The following RPS6KL1 variants were observed in gnomAD, a reference collection of about 807,000 sequenced individuals.
RPS6KL1 encodes the protein ribosomal protein S6 kinase like 1, also known as ribosomal protein S6 kinase-like 1.
RPS6KL1 carries 41 observed loss-of-function variants against 57.0 expected under a neutral mutation model. That is an observed-to-expected ratio of 0.72 (90% CI 0.56 to 0.93). RPS6KL1 has a LOEUF of 0.93. Among genes scored for constraint, RPS6KL1 ranks in the 40% least tolerant of loss-of-function variants. RPS6KL1 has a pLI of 0.00. For missense variants in RPS6KL1, 697 were observed against 727.7 expected, an observed-to-expected ratio of 0.96 and a Z score of 0.49; for synonymous variants, 287 against 309.7, an observed-to-expected ratio of 0.93 and a Z score of 0.77.
chr14:74,913,872 A>C (rs1886427757), intron 5 of RPS6KL1, among the ~76,000 whole-genome samples: 1 of 152,240 alleles, frequency 6.6e-6, no homozygotes, highest in Admixed American at 6.5e-5. Flanking sequence ...TGTGCTAAGC[A>C]CTTTACATAG....
At position 74,906,792 on chromosome 14, in the gene RPS6KL1, G is replaced by C; in HGVS notation, c.*222C>G. On this transcript the variant is annotated 3_prime_UTR_variant, in exon 12 of 12. Coordinates refer to ENST00000557413, the MANE Select transcript of RPS6KL1 (RefSeq NM_031464.5). ...GTAGATGGTTCAAGCTGCTTAGCAG[G>C]GCAAGCCTTGACTGCCCCCACCTCC... 1.4e-6 allele frequency: 1 copy of C among 693,564 alleles called. No homozygotes were observed. The highest frequency in any genetic ancestry group is 2.8e-5 in the East Asian group (1 of 35,694). The allele number at this position is 693,564 out of a possible 1,614,324, so 43.0% of individuals were successfully genotyped here. A position where few individuals can be genotyped will look rare whatever the true frequency, so the allele number is the denominator to read the frequency against.
At chr14:74,919,048 GC>G (rs1286346714) in intron 4 of RPS6KL1, among the ~76,000 whole-genome samples, 5 of 152,236 alleles carry the variant, frequency 3.3e-5, no homozygotes, top group African/African-American at 1.2e-4. Flanking sequence ...GGTGGCGCCT[GC>G]CTGTAACTCC....
Position 74,917,682 on chromosome 14 carries a change from CTT to C in RPS6KL1, c.483+829_483+830del, listed in dbSNP as rs1209220878. On this transcript the variant is annotated intron_variant, in intron 5 of 11. Transcript: ENST00000557413. ...GGGTTGGGACGTCGCCTCCTATCTT[CTT>C]GTCTGCCCTGAATAAGGCAAAGCAT... Among the ~76,000 whole-genome samples the C allele has an allele frequency of 2.0e-5, 3 of 152,224 alleles. No individual in the cohort carries two copies. In the East Asian group the frequency reaches 5.8e-4, roughly 29 times the overall value.
chr14:74,911,511 G>A, intron 6 of RPS6KL1, 131 bp from the exon 7 acceptor site: 1 of 1,045,142 alleles, frequency 9.6e-7, no homozygotes, highest in Non-Finnish European at 1.4e-6. Context: ...TTCCTGACCT[G>A]TCCTTACCCC....
At position 74,907,092 on chromosome 14, in the gene RPS6KL1, G is replaced by T. The variant is rs771426768; in HGVS notation, c.1572C>A (p.Gly524=). The T allele has an allele frequency of 6.2e-7, 1 of 1,613,656 alleles. No individual in the cohort carries two copies. Among genetic ancestry groups the T allele is most frequent in the Non-Finnish European group, 8.5e-7 (1 of 1,179,832 alleles). ...LLQFEPTRRL[G]MGEGGVSKLK... is the part of the protein sequence containing the mutation. Reference sequence around the variant, plus strand: ...GTTTGCTGACACCACCTTCTCCCATGCCCAGGCGCCGGGTAGGCTCGAACT... The same window carrying T: ...GTTTGCTGACACCACCTTCTCCCATTCCCAGGCGCCGGGTAGGCTCGAACT... Residue 524 remains glycine, a synonymous_variant, in exon 12 of 12, where the codon GGC becomes GGA. Transcript: ENST00000557413.
Position 74,909,743 on chromosome 14 carries a change from C to T in RPS6KL1, c.1070G>A (p.Gly357Glu). 3 of 1,607,952 alleles carry T rather than the reference C, an allele frequency of 1.9e-6. No individual in the cohort carries two copies. The highest frequency in any genetic ancestry group is 2.5e-6 in the Non-Finnish European group (3 of 1,179,448). The change falls in exon 8 of 12, where the codon GGG becomes GAG. Residue 357 changes from glycine (G) to glutamate (E), a missense_variant. Physicochemically the swap from Gly to Glu is moderately conservative, Grantham distance 98. Transcript: ENST00000557413. ...WVPEGAGPVL[G>E]GCGRGMDQSC... ...CTGATCCATGCCTCGGCCACAGCCC[C>T]CTAGCACCGGGCCGGCCCCCTCAGG... is the stretch of plus-strand genomic sequence containing the variant.
rs764844294 is a variant in RPS6KL1, at chr14:74,906,635, A to G, written c.*379T>C. ...TCCAGAGATGTCCTGAGTGGGGCAC[A>G]ACATGGCAGTGAGTGAGTCACAGAA... On this transcript the variant is annotated 3_prime_UTR_variant, in exon 12 of 12. Transcript: ENST00000557413. The G allele has an allele frequency of 1.9e-6, 1 of 534,688 alleles. No homozygotes were observed. The highest frequency in any genetic ancestry group is 3.8e-6 in the Non-Finnish European group (1 of 262,590). 33.1% of individuals were successfully genotyped at this position (534,688 alleles called of 1,614,324 possible).
At chr14:74,919,761 G>A (rs773895395) in intron 4 of RPS6KL1, 84 bp downstream of exon 4, 29 of 1,471,018 alleles carry the variant, frequency 2.0e-5, no homozygotes, top group South Asian at 3.6e-5. Flanking sequence ...AGCCCAGGGC[G>A]GGCCTGTGGG....
Position 74,910,016 on chromosome 14 carries a change from G to A in RPS6KL1, c.797C>T (p.Pro266Leu), listed in dbSNP as rs1566816688. The A allele has an allele frequency of 1.2e-6, 2 of 1,613,958 alleles. No homozygotes were observed. The highest frequency in any genetic ancestry group is 1.1e-5 in the South Asian group (1 of 91,082). The change falls in exon 8 of 12, where the codon CCC becomes CTC. Residue 266 changes from proline to leucine, a missense_variant. By Grantham distance (98) the Pro-to-Leu change is moderately conservative. Coordinates refer to ENST00000557413, the MANE Select transcript of RPS6KL1 (RefSeq NM_031464.5). ...GTCCTGGCCAGGGGCATGGCCTGAG[G>A]GAAGCCTCGCTGGGGTCAGGAGGTT... ...HLNLLTPARL[P>L]SGHAPGQDRI...
At chr14:74,917,937 G>A (rs1466296294) in intron 5 of RPS6KL1, among the ~76,000 whole-genome samples, 2 of 152,040 alleles carry the variant, frequency 1.3e-5, no homozygotes, top group African/African-American at 4.8e-5. Flanking sequence ...TGTGGGAAGC[G>A]GGAAGTGGGA....
At chr14:74,909,280 G>C in intron 8 of RPS6KL1, 90 bp from the exon 9 acceptor site, 1 of 1,302,126 alleles carries the variant, frequency 7.7e-7, no homozygotes, top group African/African-American at 1.4e-5. Flanking sequence ...ACAGTCATGC[G>C]GTAGGAGCCA....
rs1884782142 is a variant in RPS6KL1, at chr14:74,906,226, G to A, written c.*788C>T. 6.9e-6 allele frequency: 2 copies of A among 291,956 alleles called. No homozygotes were observed. The highest frequency in any genetic ancestry group is 6.4e-5 in the South Asian group (2 of 31,466). 18.1% of individuals were successfully genotyped at this position (291,956 alleles called of 1,614,324 possible). A position where few individuals can be genotyped will look rare whatever the true frequency, so the allele number is the denominator to read the frequency against. On this transcript the variant is annotated 3_prime_UTR_variant, in exon 12 of 12. Transcript: ENST00000557413. Reference sequence around the variant, plus strand: ...CTGTCCTCTTGCACCCCTGGGGCAGGCTGCCCCTCTTCCCCCACACAGGCC... The same window carrying A: ...CTGTCCTCTTGCACCCCTGGGGCAGACTGCCCCTCTTCCCCCACACAGGCC...
intron 7 of RPS6KL1, 51 bp downstream of exon 7, chr14:74,911,197 G>C: frequency 6.3e-7 from 1 of 1,580,684 alleles, no homozygotes; most frequent in Non-Finnish European, 8.6e-7. Flanking sequence ...AAGGGTTGAC[G>C]ACATACCCCA....
chr14:74,918,170 C>T (rs1008751194), intron 5 of RPS6KL1, among the ~76,000 whole-genome samples: 2 of 151,864 alleles, frequency 1.3e-5, no homozygotes, highest in Non-Finnish European at 2.9e-5. Flanking sequence ...TGGCCTCTAA[C>T]TCCTGGGCTC....
chr14:74,912,106 A>G (rs535753001), intron 5 of RPS6KL1, among the ~76,000 whole-genome samples: 44 of 152,198 alleles, frequency 2.9e-4, no homozygotes, highest in African/African-American at 1.1e-3. Context: ...TCTGCCTCCA[A>G]TGCTCTCTTA....
At chr14:74,919,305 G>A (rs1887389300) in intron 4 of RPS6KL1, among the ~76,000 whole-genome samples, 1 of 152,168 alleles carries the variant, frequency 6.6e-6, no homozygotes, top group African/African-American at 2.4e-5. Context: ...GTGAGCCAAG[G>A]AGGGCTGCGT....
Position 74,906,389 on chromosome 14 carries a change from G to T in RPS6KL1, c.*625C>A, listed in dbSNP as rs1483740172. 1.8e-5 allele frequency: 6 copies of T among 341,586 alleles called. No homozygotes were observed. Among genetic ancestry groups the T allele is most frequent in the South Asian group, 1.2e-4 (6 of 48,198 alleles). 21.2% of individuals were successfully genotyped at this position (341,586 alleles called of 1,614,324 possible). On this transcript the variant is annotated 3_prime_UTR_variant, in exon 12 of 12. Coordinates refer to ENST00000557413, the MANE Select transcript of RPS6KL1 (RefSeq NM_031464.5). ...CAAGTCTGAAATCACAAGATAGGGG[G>T]CATGGTCAGGAATCGGGGGTGGGGG... is the stretch of plus-strand genomic sequence containing the variant.
chr14:74,904,829 CAGGGTGGG>C lies in RPS6KL1; in HGVS notation c.*2177_*2184del, dbSNP rs1884510612. ...GCAGTGGTCAGTGAGCGTGAGTGTA[CAGGGTGGG>C]TAGCTAACCTAGACTGCAGGTGGCA... On this transcript the variant is annotated 3_prime_UTR_variant, in exon 12 of 12. Transcript: ENST00000557413. 6.6e-6 allele frequency: 1 copy of C among 152,162 alleles called. No individual in the cohort carries two copies. The highest frequency in any genetic ancestry group is 2.4e-5 in the African/African-American group (1 of 41,424). 9.4% of individuals were successfully genotyped at this position (152,162 alleles called of 1,614,324 possible). A position where few individuals can be genotyped will look rare whatever the true frequency, so the allele number is the denominator to read the frequency against.
Position 74,906,707 on chromosome 14 carries a change from C to A in RPS6KL1, c.*307G>T. 1.8e-6 allele frequency: 1 copy of A among 556,590 alleles called. No homozygotes were observed. Among genetic ancestry groups the A allele is most frequent in the Non-Finnish European group, 3.6e-6 (1 of 280,864 alleles). 34.5% of individuals were successfully genotyped at this position (556,590 alleles called of 1,614,324 possible). On this transcript the variant is annotated 3_prime_UTR_variant, in exon 12 of 12. Coordinates refer to ENST00000557413, the MANE Select transcript of RPS6KL1 (RefSeq NM_031464.5). Reference sequence around the variant, plus strand: ...GTGGTCAACAGCTCAGCGCCAGTGCCACAGAAGGCAACCTTTAACATGGTG... The same window carrying A: ...GTGGTCAACAGCTCAGCGCCAGTGCAACAGAAGGCAACCTTTAACATGGTG...
Sources: allele counts gnomAD v4.1 joint callset (sites outside exome capture counted in the v4.1 genomes callset), GRCh38; gene constraint gnomAD v4.1.1; transcripts MANE v1.5; gene names NCBI Gene and HGNC (gene_info 2026-07-23, HGNC 2026-07-21).